The following SEC14L6 variants were observed in gnomAD, a reference collection of about 807,000 sequenced individuals.
The protein encoded by SEC14L6 is SEC14-like protein 6.
In SEC14L6, 40 loss-of-function variants were observed where a neutral mutation model predicts 54.1. The observed-to-expected ratio is 0.74, with a 90% CI of 0.57 to 0.96. The LOEUF (loss-of-function observed/expected upper bound fraction) is 0.96, where lower values mean the gene tolerates loss of function less well. Ranked by LOEUF, SEC14L6 falls within the 40% of genes least tolerant of loss-of-function variation. The pLI is 0.00. For missense variants in SEC14L6, 471 were observed against 498.3 expected (o/e 0.95, Z 0.52); for synonymous variants, 171 against 198.4 (o/e 0.86, Z 1.16).
intron 1 of SEC14L6, among the ~76,000 whole-genome samples, chr22:30,544,907 G>A (rs1333361008): frequency 6.6e-6 from 1 of 151,964 alleles, no homozygotes; most frequent in Non-Finnish European, 1.5e-5. Flanking sequence ...GTTTTGTTTT[G>A]TTTTTTTCTT....
chr22:30,538,691 A>C lies in SEC14L6; in HGVS notation c.130+136T>G. ...CCTTTCCATAATTCCTGGCCACAGA[A>C]ATCACGAGAGATAATAAATGTTTGC... is the stretch of plus-strand genomic sequence containing the variant. On this transcript the variant is annotated intron_variant, in intron 2 of 11. Coordinates refer to ENST00000402034, the MANE Select transcript of SEC14L6 (RefSeq NM_001193336.4). 4.6e-6 allele frequency: 3 copies of C among 652,330 alleles called. No homozygotes were observed. The East Asian group carries it at 9.0e-5, about 19-fold the overall frequency. The allele number at this position is 652,330 out of a possible 1,614,324, so 40.4% of individuals were successfully genotyped here.
intron 8 of SEC14L6, among the ~76,000 whole-genome samples, chr22:30,528,416 C>T (rs1356036470): frequency 3.4e-4 from 39 of 115,504 alleles, no homozygotes; most frequent in Non-Finnish European, 6.4e-4. Flanking sequence ...CCACCGCGCT[C>T]GGCCTCTTTT....
In SEC14L6 at chr22:30,524,708, C is replaced by A. The variant is rs1044867360; in HGVS notation, c.*289G>T. 3.3e-6 allele frequency: 1 copy of A among 300,572 alleles called. No homozygotes were observed. Among genetic ancestry groups the A allele is most frequent in the Admixed American group, 4.4e-5 (1 of 22,596 alleles). The allele number at this position is 300,572 out of a possible 1,614,324, so 18.6% of individuals were successfully genotyped here. On this transcript the variant is annotated 3_prime_UTR_variant, in exon 12 of 12. Coordinates refer to ENST00000402034, the MANE Select transcript of SEC14L6 (RefSeq NM_001193336.4). ...TATATTTTAGAAGAGTAACTTATTTCTTGGTATTGGTTGATAGAAAAAAGC... is the reference window on the plus strand; with the variant it reads ...TATATTTTAGAAGAGTAACTTATTTATTGGTATTGGTTGATAGAAAAAAGC...
chr22:30,534,749 G>A (rs1269797524), intron 2 of SEC14L6, among the ~76,000 whole-genome samples: 2 of 152,116 alleles, frequency 1.3e-5, no homozygotes, highest in African/African-American at 4.8e-5. Context: ...ACTCATCTGG[G>A]AACTATGGCT....
intron 6 of SEC14L6, 85 bp downstream of exon 6, chr22:30,531,818 C>T: frequency 1.0e-6 from 1 of 956,124 alleles, no homozygotes; most frequent in South Asian, 1.5e-5. Flanking sequence ...AGAGAGGATT[C>T]CCGCCCCTGC....
rs1936736043 is a variant in SEC14L6, at chr22:30,525,430, G to A, written c.1001C>T (p.Thr334Ile). 3 of 1,614,054 alleles carry A rather than the reference G, an allele frequency of 1.9e-6. No individual in the cohort carries two copies. Among genetic ancestry groups the A allele is most frequent in the Non-Finnish European group, 2.5e-6 (3 of 1,180,032 alleles). The change falls in exon 11 of 12, where the codon ACA becomes ATA. Residue 334 changes from threonine (T) to isoleucine (I), a missense_variant. Coordinates refer to ENST00000402034, the MANE Select transcript of SEC14L6 (RefSeq NM_001193336.4). ...MGERQRAREM[T>I]EVLPSQRYNA... Reference sequence around the variant, plus strand: ...GTAGCGCTGGCTGGGCAGCACCTCTGTCATCTCCCTAGCCCTCTGCCGCTC... The same window carrying A: ...GTAGCGCTGGCTGGGCAGCACCTCTATCATCTCCCTAGCCCTCTGCCGCTC...
At chr22:30,542,411 C>T (rs2085735619) in intron 1 of SEC14L6, 2 of 428,266 alleles carry the variant, frequency 4.7e-6, no homozygotes, top group South Asian at 6.3e-5. Context: ...GGAGGTCGGC[C>T]GCAACTTCCC....
chr22:30,535,268 GCCCAGC>G (rs1474286033), intron 2 of SEC14L6, among the ~76,000 whole-genome samples: 1 of 152,188 alleles, frequency 6.6e-6, no homozygotes, highest in Non-Finnish European at 1.5e-5. Context: ...TCTGCCCTGA[GCCCAGC>G]CTTAGCTGGG....
At position 30,524,906 on chromosome 22, in the gene SEC14L6, G is replaced by A. The variant is rs1455020587; in HGVS notation, c.*91C>T. ...CTGCTGTTGTAGAATCCCTGTTCCT[G>A]AGAGGTTGAACAGGGTCTGGCCAGG... is the stretch of plus-strand genomic sequence containing the variant. On this transcript the variant is annotated 3_prime_UTR_variant, in exon 12 of 12. Transcript: ENST00000402034. The A allele has an allele frequency of 1.4e-6, 1 of 719,848 alleles. No homozygotes were observed. Among genetic ancestry groups the A allele is most frequent in the South Asian group, 1.6e-5 (1 of 63,812 alleles). The allele number at this position is 719,848 out of a possible 1,614,324, so 44.6% of individuals were successfully genotyped here.
At chr22:30,528,275 C>T (rs1936846042) in intron 8 of SEC14L6, among the ~76,000 whole-genome samples, 1 of 151,662 alleles carries the variant, frequency 6.6e-6, no homozygotes, top group African/African-American at 2.4e-5. Context: ...GCTCCTGCCA[C>T]CACGCCCGGC....
intron 1 of SEC14L6, among the ~76,000 whole-genome samples, chr22:30,540,376 T>C (rs2085680699): frequency 6.7e-6 from 1 of 149,570 alleles, no homozygotes; most frequent in Admixed American, 6.6e-5. Flanking sequence ...CCTTTTTTTT[T>C]TTTTTTTTTT....
chr22:30,529,970 T>G (rs1442437803), intron 6 of SEC14L6, among the ~76,000 whole-genome samples: 2 of 152,226 alleles, frequency 1.3e-5, no homozygotes, highest in Non-Finnish European at 2.9e-5. Context: ...CCAATTAAAA[T>G]TCTTGGTTAG....
intron 6 of SEC14L6, 75 bp from the exon 7 acceptor site, chr22:30,529,424 G>A: frequency 8.3e-7 from 1 of 1,208,540 alleles, no homozygotes; most frequent in Non-Finnish European, 1.2e-6. Context: ...CCACCCTCCA[G>A]GACCCAAGGG....
chr22:30,544,249 C>T (rs2085775421), intron 1 of SEC14L6: 1 of 534,966 alleles, frequency 1.9e-6, no homozygotes. Context: ...CCTTGGCTCT[C>T]CAGCAGCCAC....
intron 4 of SEC14L6, 36 bp from the exon 5 acceptor site, chr22:30,532,749 G>T: frequency 6.3e-7 from 1 of 1,599,670 alleles, no homozygotes; most frequent in South Asian, 1.1e-5. Context: ...GTTCAGTGCC[G>T]AGGGCTGAGG....
chr22:30,532,886 A>G (rs1370316336), intron 3 of SEC14L6, 30 bp from the exon 4 acceptor site: 1 of 1,607,950 alleles, frequency 6.2e-7, no homozygotes, highest in Admixed American at 1.7e-5. Context: ...GGTGGTGAAG[A>G]TTCTGCCTGT....
rs2085637754 is a variant in SEC14L6, at chr22:30,538,404, T to G, written c.130+423A>C. ...TGGAATGTGACTCAGAAAGCTTCAC[T>G]GTAAGATACCACCACTTCCTCCCTG... On this transcript the variant is annotated intron_variant, in intron 2 of 11. Transcript: ENST00000402034. 2.0e-5 allele frequency among the ~76,000 whole-genome samples: 3 copies of G among 151,906 alleles called. No homozygotes were observed. In the South Asian group the frequency reaches 6.3e-4, roughly 32 times the overall value.
At position 30,525,670 on chromosome 22, in the gene SEC14L6, C is replaced by T; in HGVS notation, c.852G>A (p.Val284=). 1 of 1,612,712 alleles carries T rather than the reference C, an allele frequency of 6.2e-7. No individual in the cohort carries two copies. Among genetic ancestry groups the T allele is most frequent in the Non-Finnish European group, 8.5e-7 (1 of 1,179,560 alleles). Residue 284 remains valine, a synonymous_variant, in exon 10 of 12, where the codon GTG becomes GTA. Coordinates refer to ENST00000402034, the MANE Select transcript of SEC14L6 (RefSeq NM_001193336.4). ...CCACCTGCAGGGAGGAGCCGCGGCCCACGGACCTCGTGTGCTCATACTGCA... is the reference window on the plus strand; with the variant it reads ...CCACCTGCAGGGAGGAGCCGCGGCCTACGGACCTCGTGTGCTCATACTGCA... ...VRLQYEHTRS[V]GRGSSLQVEN...
chr22:30,533,914 GATGA>G, intron 3 of SEC14L6, 78 bp downstream of exon 3: 8 of 1,263,830 alleles, frequency 6.3e-6, no homozygotes, highest in African/African-American at 1.5e-5. Flanking sequence ...TGAATGGATG[GATGA>G]ATGAATGAAT....
Sources: allele counts gnomAD v4.1 joint callset (sites outside exome capture counted in the v4.1 genomes callset), GRCh38; gene constraint gnomAD v4.1.1; transcripts MANE v1.5; gene names NCBI Gene and HGNC (gene_info 2026-07-23, HGNC 2026-07-21).